Variants in SMARCC1 observed in about 807,000 individuals in gnomAD.
SMARCC1 encodes the protein SWI/SNF complex subunit SMARCC1.
In SMARCC1, 43 loss-of-function variants were observed where a neutral mutation model predicts 147.4. The ratio of observed to expected loss-of-function variants is 0.29; its 90% confidence interval spans 0.23 to 0.38. The LOEUF (loss-of-function observed/expected upper bound fraction) is 0.38. SMARCC1 is among the 10% of genes least tolerant of loss of function. The probability of loss-of-function intolerance (pLI) is 1.00; values close to 1 mark genes in which losing one functional copy is unlikely to be tolerated. For synonymous variants in SMARCC1, 495 were observed against 484.4 expected (o/e 1.02, Z -0.29); for missense variants, 1,119 against 1,381.1 (o/e 0.81, Z 3.01).
At chr3:47,702,925 G>C (rs2033943275) in intron 10 of SMARCC1, among the ~76,000 whole-genome samples, 1 of 151,688 alleles carries the variant, frequency 6.6e-6, no homozygotes, top group South Asian at 2.1e-4. Flanking sequence ...CTTTTCTTTT[G>C]TTTTGGTGGG....
intron 5 of SMARCC1, among the ~76,000 whole-genome samples, chr3:47,733,840 G>A (rs2034406126): frequency 6.8e-6 from 1 of 147,270 alleles, no homozygotes; most frequent in Admixed American, 6.9e-5. Context: ...CTCCAGCCTG[G>A]GCGACACAGC....
At chr3:47,704,916 C>G (rs531162737) in intron 10 of SMARCC1, among the ~76,000 whole-genome samples, 1 of 104,382 alleles carries the variant, frequency 9.6e-6, no homozygotes, top group Non-Finnish European at 1.9e-5. Flanking sequence ...GACCCTGTCT[C>G]AAAAAAAAAG....
chr3:47,597,495 T>C (rs2032309247), intron 26 of SMARCC1, among the ~76,000 whole-genome samples: 1 of 151,684 alleles, frequency 6.6e-6, no homozygotes, highest in Non-Finnish European at 1.5e-5. Flanking sequence ...CCCGGCTAAT[T>C]TTTTGTATTT....
At chr3:47,737,797 A>T (rs2034461713) in intron 4 of SMARCC1, among the ~76,000 whole-genome samples, 1 of 150,722 alleles carries the variant, frequency 6.6e-6, no homozygotes, top group Non-Finnish European at 1.5e-5. Flanking sequence ...CTGGGACTAC[A>T]GGTACCCGGA....
At chr3:47,631,532 T>A (rs563047568) in intron 24 of SMARCC1, among the ~76,000 whole-genome samples, 27 of 152,254 alleles carry the variant, frequency 1.8e-4, no homozygotes, top group Admixed American at 3.9e-4. Flanking sequence ...ACCCAAACAA[T>A]GGTACTTCTG....
intron 26 of SMARCC1, among the ~76,000 whole-genome samples, chr3:47,596,950 C>T (rs2032293421): frequency 6.6e-6 from 1 of 151,554 alleles, no homozygotes; most frequent in African/African-American, 2.4e-5. Context: ...AATCCCGGCA[C>T]TTTGGGAGGC....
intron 14 of SMARCC1, among the ~76,000 whole-genome samples, chr3:47,681,003 T>G (rs958990066): frequency 6.6e-6 from 1 of 152,212 alleles, no homozygotes; most frequent in African/African-American, 2.4e-5. Flanking sequence ...TCTTTCTCAC[T>G]CCCAGTACTT....
chr3:47,698,258 A>C (rs2033878189), intron 11 of SMARCC1, among the ~76,000 whole-genome samples: 1 of 152,072 alleles, frequency 6.6e-6, no homozygotes, highest in Non-Finnish European at 1.5e-5. Flanking sequence ...AACGGTATCA[A>C]AATTTGGCAT....
intron 2 of SMARCC1, 65 bp downstream of exon 2, chr3:47,772,752 G>A (rs1375455106): frequency 2.1e-6 from 3 of 1,395,686 alleles, no homozygotes; most frequent in Non-Finnish European, 2.9e-6. Flanking sequence ...AAAAAAGCTG[G>A]ATGCTACACC....
chr3:47,608,803 C>G lies in SMARCC1; in HGVS notation c.3043+1263G>C, dbSNP rs556668943. 1.6e-4 allele frequency among the ~76,000 whole-genome samples: 22 copies of G among 136,878 alleles called. No homozygotes were observed. In the East Asian group the frequency reaches 4.6e-3, roughly 29 times the overall value. 89.8% of individuals were successfully genotyped at this position (136,878 alleles called of 152,430 possible). The stretch of plus-strand genomic sequence containing the variant: ...GGTTGAGGCTGCAGTGAGCCATGAT[C>G]ATGTCACTGCACTCCAGCCTAGACA... On this transcript the variant is annotated intron_variant, in intron 26 of 27. Transcript: ENST00000254480.
At chr3:47,774,331 A>T (rs978544562) in intron 1 of SMARCC1, among the ~76,000 whole-genome samples, 6 of 151,658 alleles carry the variant, frequency 4.0e-5, no homozygotes, top group Non-Finnish European at 8.8e-5. Context: ...ACAAAAAATT[A>T]GCTGGGTGTG....
At chr3:47,596,653 C>A (rs1001795232) in intron 26 of SMARCC1, among the ~76,000 whole-genome samples, 1 of 151,858 alleles carries the variant, frequency 6.6e-6, no homozygotes, top group African/African-American at 2.4e-5. Flanking sequence ...GACTAGACCT[C>A]CTGGGCTCAC....
intron 1 of SMARCC1, among the ~76,000 whole-genome samples, chr3:47,776,252 C>T (rs1330405831): frequency 6.6e-6 from 1 of 152,114 alleles, no homozygotes; most frequent in Non-Finnish European, 1.5e-5. Flanking sequence ...CACAGGTTTC[C>T]TAAAGGAGTC....
intron 21 of SMARCC1, among the ~76,000 whole-genome samples, chr3:47,650,736 G>A (rs1576399111): frequency 1.3e-5 from 2 of 151,956 alleles, no homozygotes; most frequent in Admixed American, 6.6e-5. Flanking sequence ...GATCACTTGA[G>A]CCCAGGAGGT....
intron 21 of SMARCC1, among the ~76,000 whole-genome samples, chr3:47,642,461 A>G (rs2033060868): frequency 6.6e-6 from 1 of 152,074 alleles, no homozygotes; most frequent in Non-Finnish European, 1.5e-5. Flanking sequence ...GTGGTGGCGC[A>G]TGCTAGTAAT....
intron 7 of SMARCC1, among the ~76,000 whole-genome samples, chr3:47,716,846 T>C (rs1251073221): frequency 1.3e-5 from 2 of 152,184 alleles, no homozygotes; most frequent in Non-Finnish European, 2.9e-5. Context: ...CTGGGCCTAG[T>C]CACATGTACT....
intron 19 of SMARCC1, among the ~76,000 whole-genome samples, chr3:47,669,591 A>G (rs2106746805): frequency 6.6e-6 from 1 of 152,342 alleles, no homozygotes; most frequent in South Asian, 2.1e-4. Flanking sequence ...CTCTCTGCGT[A>G]TCACTGATAC....
intron 24 of SMARCC1, among the ~76,000 whole-genome samples, chr3:47,623,762 C>T (rs2032768274): frequency 2.0e-5 from 3 of 152,272 alleles, no homozygotes; most frequent in Middle Eastern, 3.4e-3. Flanking sequence ...CTCCCCCTCA[C>T]TTCTGTCAGC....
intron 6 of SMARCC1, among the ~76,000 whole-genome samples, chr3:47,726,061 C>CAAAAAAAAAAAAAAAAAAAAAAAA: frequency 2.0e-5 from 1 of 50,786 alleles, no homozygotes; most frequent in Non-Finnish European, 3.5e-5. Flanking sequence ...GACTCTGTCT[C>CAAAAAAAAAAAAAAAAAAAAAAAA]AAAAAAAAAA....
Sources: gnomAD v4.1 joint callset for allele counts (sites outside exome capture counted in the v4.1 genomes callset) on GRCh38, gnomAD v4.1.1 for gene constraint, MANE v1.5 for transcripts, NCBI Gene and HGNC (gene_info 2026-07-23, HGNC 2026-07-21) for gene names.